Variants in CDH12 observed in about 807,000 individuals in gnomAD.
The protein encoded by CDH12 is cadherin 12, also known as cadherin-12.
A neutral mutation model predicts 74.1 loss-of-function variants in CDH12; 41 were observed. The ratio of observed to expected loss-of-function variants is 0.55; its 90% CI spans 0.43 to 0.72. CDH12 has a LOEUF of 0.72. CDH12 is among the 30% of genes least tolerant of loss of function. The pLI, the probability that CDH12 is intolerant of heterozygous loss-of-function variation, is 0.00. For missense variants in CDH12, 945 were observed against 977.2 expected (o/e 0.97, Z 0.44); for synonymous variants, 399 against 355.0 (o/e 1.12, Z -1.39).
intron 3 of CDH12, among the ~76,000 whole-genome samples, chr5:22,391,525 G>T (rs919284055): frequency 2.0e-5 from 3 of 151,926 alleles, no homozygotes; most frequent in African/African-American, 4.8e-5. Flanking sequence ...AATCAGAGGA[G>T]AATTTCTCTT....
chr5:22,307,994 C>A (rs904953885), intron 3 of CDH12, among the ~76,000 whole-genome samples: 35 of 145,090 alleles, frequency 2.4e-4, no homozygotes, highest in African/African-American at 8.8e-4. Flanking sequence ...CATTCTCCTG[C>A]CTCAGCCTCC....
At chr5:22,765,714 C>G (rs1746474625) in intron 1 of CDH12, among the ~76,000 whole-genome samples, 1 of 151,676 alleles carries the variant, frequency 6.6e-6, no homozygotes, top group Non-Finnish European at 1.5e-5. Flanking sequence ...TTGCATGCCT[C>G]TCAAACTTCT....
At chr5:22,287,540 C>A (rs1273949111) in intron 3 of CDH12, among the ~76,000 whole-genome samples, 1 of 151,498 alleles carries the variant, frequency 6.6e-6, no homozygotes, top group South Asian at 2.1e-4. Flanking sequence ...TTGGCTAACA[C>A]GGTGAAACCC....
chr5:22,472,864 A>G (rs1746021285), intron 2 of CDH12, among the ~76,000 whole-genome samples: 1 of 152,108 alleles, frequency 6.6e-6, no homozygotes, highest in Admixed American at 6.6e-5. Context: ...TTATTCAGGA[A>G]CCAGGGACAT....
At chr5:22,093,717 A>G (rs1743573764) in intron 4 of CDH12, among the ~76,000 whole-genome samples, 1 of 152,152 alleles carries the variant, frequency 6.6e-6, no homozygotes, top group Admixed American at 6.5e-5. Flanking sequence ...ACACTATGTG[A>G]ATATAGTAAT....
intron 1 of CDH12, among the ~76,000 whole-genome samples, chr5:22,723,265 C>T (rs1188606094): frequency 6.6e-6 from 1 of 152,116 alleles, no homozygotes; most frequent in African/African-American, 2.4e-5. Context: ...ACACATCCCT[C>T]ATTCAAATAC....
intron 6 of CDH12, among the ~76,000 whole-genome samples, chr5:21,970,948 C>T (rs1407901142): frequency 1.3e-5 from 2 of 149,720 alleles, no homozygotes; most frequent in Non-Finnish European, 3.0e-5. Context: ...GCATTTCTCC[C>T]CAAACTTCAT....
intron 6 of CDH12, among the ~76,000 whole-genome samples, chr5:21,929,026 G>A (rs186096901): frequency 4.6e-5 from 7 of 151,714 alleles, no homozygotes; most frequent in Non-Finnish European, 1.0e-4. Flanking sequence ...ACAGATTTTT[G>A]GCATGGAAGA....
intron 4 of CDH12, among the ~76,000 whole-genome samples, chr5:22,126,362 G>T (rs1479349204): frequency 1.3e-5 from 2 of 152,040 alleles, no homozygotes; most frequent in East Asian, 3.9e-4. Flanking sequence ...CTCACTTTCT[G>T]CTATTAGATA....
chr5:21,755,676 A>C lies in CDH12; in HGVS notation c.1800T>G (p.Ser600=), dbSNP rs759122672. Residue 600 remains serine (S), a synonymous_variant, in exon 14 of 15, where the codon TCT becomes TCG. Coordinates refer to ENST00000382254, the MANE Select transcript of CDH12 (RefSeq NM_004061.5). The part of the protein sequence containing the change: ...CRCDSDGTIL[S]CNVEAIFLPV... ...GTAGAAAAATTGCTTCCACATTACAAGACAGGATGGTGCCATCAGAGTCAC... is the reference window on the plus strand; with the variant it reads ...GTAGAAAAATTGCTTCCACATTACACGACAGGATGGTGCCATCAGAGTCAC... The C allele has an allele frequency of 5.6e-6, 9 of 1,614,124 alleles. No homozygotes were observed. The highest frequency in any genetic ancestry group is 7.6e-6 in the Non-Finnish European group (9 of 1,180,000).
At chr5:21,902,830 T>A (rs1753460654) in intron 6 of CDH12, among the ~76,000 whole-genome samples, 1 of 152,132 alleles carries the variant, frequency 6.6e-6, no homozygotes, top group Non-Finnish European at 1.5e-5. Context: ...CTATTAGATA[T>A]GGGTAACAAC....
chr5:22,107,252 C>A (rs1343488795), intron 4 of CDH12, among the ~76,000 whole-genome samples: 3 of 151,800 alleles, frequency 2.0e-5, no homozygotes, highest in African/African-American at 7.3e-5. Context: ...CCTGCCTCAG[C>A]CTCTGGAGAG....
intron 3 of CDH12, among the ~76,000 whole-genome samples, chr5:22,294,223 T>A (rs1360996855): frequency 6.6e-6 from 1 of 152,012 alleles, no homozygotes; most frequent in Non-Finnish European, 1.5e-5. Flanking sequence ...GAGCAAGGAC[T>A]GATGATGATT....
At chr5:22,501,929 G>C (rs1017739348) in intron 2 of CDH12, among the ~76,000 whole-genome samples, 2 of 152,084 alleles carry the variant, frequency 1.3e-5, no homozygotes, top group African/African-American at 4.8e-5. Context: ...AATGTTTTCT[G>C]AGTGTCAGGA....
At chr5:21,992,023 G>T (rs1423335945) in intron 5 of CDH12, among the ~76,000 whole-genome samples, 1 of 151,888 alleles carries the variant, frequency 6.6e-6, no homozygotes, top group Non-Finnish European at 1.5e-5. Flanking sequence ...TAACTATCCT[G>T]TGTAAGAAAT....
intron 4 of CDH12, among the ~76,000 whole-genome samples, chr5:22,191,002 T>C (rs1750240477): frequency 6.6e-6 from 1 of 152,204 alleles, no homozygotes; most frequent in South Asian, 2.1e-4. Context: ...ATGTAATAGT[T>C]TTCCTTTCCT....
At chr5:22,154,610 A>G (rs957093612) in intron 4 of CDH12, among the ~76,000 whole-genome samples, 113 of 150,344 alleles carry the variant, frequency 7.5e-4, no homozygotes, top group Middle Eastern at 7.0e-3. Flanking sequence ...TACACACTAT[A>G]TATGTACACA....
At chr5:22,060,230 A>C (rs532937934) in intron 5 of CDH12, among the ~76,000 whole-genome samples, 1 of 152,076 alleles carries the variant, frequency 6.6e-6, no homozygotes, top group South Asian at 2.1e-4. Context: ...AGAAAAGCAA[A>C]TACCACATGT....
chr5:22,374,956 C>T, intron 3 of CDH12, among the ~76,000 whole-genome samples: 1 of 151,628 alleles, frequency 6.6e-6, no homozygotes. Flanking sequence ...AAAAAAAATC[C>T]TAAAATTTGT....
Sources: allele counts gnomAD v4.1 joint callset (sites outside exome capture counted in the v4.1 genomes callset), GRCh38; gene constraint gnomAD v4.1.1; transcripts MANE v1.5; gene names NCBI Gene and HGNC (gene_info 2026-07-23, HGNC 2026-07-21).